The following CYTH3 variants were observed in gnomAD, a reference collection of about 807,000 sequenced individuals.
CYTH3 encodes cytohesin-3.
In CYTH3, 23 loss-of-function variants were observed where a neutral mutation model predicts 55.1. That is an observed-to-expected ratio of 0.42 (90% CI 0.30 to 0.59). The LOEUF is 0.59. Among genes scored for constraint, CYTH3 ranks in the 20% least tolerant of loss-of-function variants. The pLI, the probability that CYTH3 is intolerant of heterozygous loss-of-function variation, is 0.20. For missense variants in CYTH3, 413 were observed against 524.8 expected, an observed-to-expected ratio of 0.79 and a Z score of 2.08; for synonymous variants, 249 against 194.9, an observed-to-expected ratio of 1.28 and a Z score of -2.31.
intron 1 of CYTH3, among the ~76,000 whole-genome samples, chr7:6,219,370 T>C (rs1476233089): frequency 1.3e-5 from 2 of 152,192 alleles, no homozygotes; most frequent in Admixed American, 6.5e-5. Flanking sequence ...GAGAAACTAT[T>C]ATGCAAAAAG....
At chr7:6,261,242 A>G (rs1296851938) in intron 1 of CYTH3, among the ~76,000 whole-genome samples, 1 of 152,174 alleles carries the variant, frequency 6.6e-6, no homozygotes, top group Non-Finnish European at 1.5e-5. Flanking sequence ...GTGACTGAGA[A>G]TCCAAGAAGG....
chr7:6,175,260 C>T (rs1783314904), intron 5 of CYTH3, among the ~76,000 whole-genome samples: 1 of 152,046 alleles, frequency 6.6e-6, no homozygotes, highest in Non-Finnish European at 1.5e-5. Context: ...ACCAAGGAAT[C>T]TGTAACTGAT....
rs1783996073 is a variant in CYTH3 at position 6,198,771 on chromosome 7, T to G, written c.35-8240A>C. Among the ~76,000 whole-genome samples the G allele has an allele frequency of 3.1e-5, 4 of 130,520 alleles. No homozygotes were observed. In the South Asian group the frequency reaches 9.6e-4, roughly 31 times the overall value. The allele number at this position is 130,520 out of a possible 152,430, so 85.6% of individuals were successfully genotyped here. On this transcript the variant is annotated intron_variant, in intron 1 of 12. Transcript: ENST00000350796. ...ACTTCCCCTCCAACCTCAATAAAGCTGCTAAAAAAAAAAAAAAGGGCAGGT... is the reference window on the plus strand; with the variant it reads ...ACTTCCCCTCCAACCTCAATAAAGCGGCTAAAAAAAAAAAAAAGGGCAGGT...
intron 5 of CYTH3, among the ~76,000 whole-genome samples, chr7:6,174,539 GT>G (rs760279977): frequency 0.01 from 930 of 89,794 alleles, 3 homozygotes; most frequent in African/African-American, 0.015. Flanking sequence ...CTCCTTGTGG[GT>G]TTTTTTTTTT....
chr7:6,237,638 G>A (rs951383220), intron 1 of CYTH3, among the ~76,000 whole-genome samples: 4 of 152,208 alleles, frequency 2.6e-5, no homozygotes, highest in East Asian at 3.9e-4. Flanking sequence ...AACCCGGGGG[G>A]CAGAAGGTTG....
intron 1 of CYTH3, among the ~76,000 whole-genome samples, chr7:6,224,712 T>C (rs1340039155): frequency 6.6e-6 from 1 of 152,194 alleles, no homozygotes; most frequent in African/African-American, 2.4e-5. Context: ...TCTACGTATA[T>C]ACCCAAAGAG....
intron 2 of CYTH3, among the ~76,000 whole-genome samples, chr7:6,188,490 G>C (rs969215394): frequency 6.6e-6 from 1 of 152,176 alleles, no homozygotes; most frequent in Non-Finnish European, 1.5e-5. Context: ...GAGAAGCTGA[G>C]GCTCGGGTGT....
At chr7:6,259,294 A>T (rs532044692) in intron 1 of CYTH3, among the ~76,000 whole-genome samples, 15 of 152,344 alleles carry the variant, frequency 9.8e-5, no homozygotes, top group African/African-American at 3.4e-4. Flanking sequence ...AATTACAGAC[A>T]TAAGTTTTTC....
chr7:6,234,969 A>G lies in CYTH3; in HGVS notation c.34+37505T>C, dbSNP rs980363069. ...CTCAGCAAGAAAATGAGAGCCTCTG[A>G]TCCCTCACTTCAGTGCCTTGCATCT... On this transcript the variant is annotated intron_variant, in intron 1 of 12. Coordinates refer to ENST00000350796, the MANE Select transcript of CYTH3 (RefSeq NM_004227.4). 2.6e-5 allele frequency among the ~76,000 whole-genome samples: 4 copies of G among 152,208 alleles called. No homozygotes were observed. In the East Asian group the frequency reaches 7.7e-4, roughly 29 times the overall value.
At chr7:6,218,872 G>A (rs551962579) in intron 1 of CYTH3, among the ~76,000 whole-genome samples, 1 of 152,152 alleles carries the variant, frequency 6.6e-6, no homozygotes, top group African/African-American at 2.4e-5. Context: ...GGGCGTGGTG[G>A]CGCACACCTG....
Position 6,171,541 on chromosome 7 carries a change from AC to A in CYTH3, c.450-228del, listed in dbSNP as rs1211781763. On this transcript the variant is annotated intron_variant, in intron 6 of 12. Coordinates refer to ENST00000350796, the MANE Select transcript of CYTH3 (RefSeq NM_004227.4). This position sits in a 1 kb window ranked among gnomAD's most constrained non-coding sequence, Gnocchi z 6.7. ...GATGGCTCATCTTTTTGTAACTACA[AC>A]CAATTCAGCAGCGAGGCCGGTTGTC... 1.3e-5 allele frequency among the ~76,000 whole-genome samples: 2 copies of A among 152,082 alleles called. No individual in the cohort carries two copies. Among genetic ancestry groups the A allele is most frequent in the Admixed American group, 1.3e-4 (2 of 15,280 alleles).
At chr7:6,259,761 A>ATATATATAT (rs1780247328) in intron 1 of CYTH3, among the ~76,000 whole-genome samples, 4 of 25,308 alleles carry the variant, frequency 1.6e-4, no homozygotes, top group African/African-American at 1.5e-3. Context: ...TATATATTAT[A>ATATATATAT]TATATATATA....
At chr7:6,224,859 G>A (rs1158463864) in intron 1 of CYTH3, among the ~76,000 whole-genome samples, 1 of 152,076 alleles carries the variant, frequency 6.6e-6, no homozygotes. Context: ...CCTGACACTG[G>A]GATATTCAGA....
At chr7:6,262,889 A>G (rs1780387555) in intron 1 of CYTH3, among the ~76,000 whole-genome samples, 1 of 152,132 alleles carries the variant, frequency 6.6e-6, no homozygotes, top group Non-Finnish European at 1.5e-5. Context: ...ACTGCTCTCC[A>G]GCCTGGGCAA....
At chr7:6,190,384 T>A in intron 2 of CYTH3, 65 bp downstream of exon 2, 3 of 1,210,986 alleles carry the variant, frequency 2.5e-6, no homozygotes, top group Non-Finnish European at 3.3e-6. Context: ...GGCTACTCTT[T>A]TACTATTTTA....
chr7:6,215,220 T>G (rs997979090), intron 1 of CYTH3, among the ~76,000 whole-genome samples: 4 of 152,180 alleles, frequency 2.6e-5, no homozygotes, highest in African/African-American at 9.7e-5. Flanking sequence ...CCTGCTCTAG[T>G]GACCCAAGAG....
chr7:6,250,690 T>C (rs759068134), intron 1 of CYTH3, among the ~76,000 whole-genome samples: 31 of 152,338 alleles, frequency 2.0e-4, no homozygotes, highest in Non-Finnish European at 4.1e-4. Flanking sequence ...GAGGAGGGGA[T>C]GACAGCTAAT....
chr7:6,184,174 C>T (rs1194633230), intron 4 of CYTH3, among the ~76,000 whole-genome samples: 1 of 149,752 alleles, frequency 6.7e-6, no homozygotes, highest in Non-Finnish European at 1.5e-5. Flanking sequence ...CATTCTCCTG[C>T]CTCAGCCTCC....
rs181548981 is a variant in CYTH3 at position 6,226,019 on chromosome 7, T to G, written c.35-35488A>C. On this transcript the variant is annotated intron_variant, in intron 1 of 12. Coordinates refer to ENST00000350796, the MANE Select transcript of CYTH3 (RefSeq NM_004227.4). Reference sequence around the variant, plus strand: ...TTTTAAAAACAAACAAAAAAATTTTTGTCTTTAAACAAAGAGAACCCAATG... The same window carrying G: ...TTTTAAAAACAAACAAAAAAATTTTGGTCTTTAAACAAAGAGAACCCAATG... 2.0e-5 allele frequency among the ~76,000 whole-genome samples: 3 copies of G among 152,286 alleles called. No homozygotes were observed. The East Asian group carries it at 5.8e-4, about 29-fold the overall frequency.
Sources: allele counts gnomAD v4.1 joint callset (sites outside exome capture counted in the v4.1 genomes callset), GRCh38; gene constraint gnomAD v4.1.1; non-coding constraint Gnocchi (gnomAD v3.1); transcripts MANE v1.5; gene names NCBI Gene and HGNC (gene_info 2026-07-23, HGNC 2026-07-21).